Variants in STARD13 observed in about 807,000 individuals in gnomAD.
STARD13 encodes the protein stAR-related lipid transfer protein 13.
In STARD13, 62 loss-of-function variants were observed where a neutral mutation model predicts 106.4. The observed-to-expected ratio is 0.58, with a 90% CI of 0.48 to 0.72. The LOEUF is 0.72. Ranked by LOEUF, STARD13 falls within the 30% of genes least tolerant of loss-of-function variation. The pLI is 0.00. For missense variants in STARD13, 1,387 were observed against 1,424.0 expected (o/e 0.97, Z 0.42); for synonymous variants, 565 against 553.0 (o/e 1.02, Z -0.31).
the STARD13 span, among the ~76,000 whole-genome samples, chr13:33,500,431 G>A: frequency 6.6e-6 from 1 of 152,178 alleles, no homozygotes; most frequent in Non-Finnish European, 1.5e-5. Flanking sequence ...ATTTCCTACA[G>A]TTCTGTATCA....
the STARD13 span, among the ~76,000 whole-genome samples, chr13:33,476,133 G>A: frequency 1.3e-5 from 2 of 151,924 alleles, no homozygotes; most frequent in Admixed American, 6.6e-5. Flanking sequence ...AGCAACAATT[G>A]GCCTTGTCCT....
chr13:33,166,863 T>C (rs1419194830), intron 2 of STARD13, among the ~76,000 whole-genome samples: 1 of 151,808 alleles, frequency 6.6e-6, no homozygotes, highest in African/African-American at 2.4e-5. Flanking sequence ...GGTGTGGTGG[T>C]GCCCGCCTGT....
At chr13:33,138,064 T>C (rs1879290454) in intron 4 of STARD13, among the ~76,000 whole-genome samples, 1 of 152,242 alleles carries the variant, frequency 6.6e-6, no homozygotes, top group African/African-American at 2.4e-5. Flanking sequence ...TTGGTCATTA[T>C]TTCAGAGAGC....
chr13:33,244,730 C>G (rs960465640), intron 1 of STARD13, among the ~76,000 whole-genome samples: 1 of 152,128 alleles, frequency 6.6e-6, no homozygotes, highest in African/African-American at 2.4e-5. Context: ...AAACCAACCA[C>G]GAGGCATCTG....
chr13:33,600,222 T>C, the STARD13 span, among the ~76,000 whole-genome samples: 2 of 152,122 alleles, frequency 1.3e-5, no homozygotes, highest in Non-Finnish European at 2.9e-5. Flanking sequence ...AGAAACAGAA[T>C]AGGGAGAATA....
chr13:33,499,625 CTTCTTCTTCTTCTTCTT>C, the STARD13 span, among the ~76,000 whole-genome samples: 2 of 121,708 alleles, frequency 1.6e-5, no homozygotes, highest in Non-Finnish European at 3.1e-5. Context: ...TCTTCTTCTT[CTTCTTCTTCTTCTTCTT>C]CTTCTCCTTC....
chr13:33,151,228 T>C (rs1881234726), intron 3 of STARD13, among the ~76,000 whole-genome samples: 1 of 152,190 alleles, frequency 6.6e-6, no homozygotes, highest in Non-Finnish European at 1.5e-5. Flanking sequence ...TATTAAGGAA[T>C]ACCTGAGACT....
At chr13:33,195,978 G>T (rs1886586987) in intron 1 of STARD13, among the ~76,000 whole-genome samples, 1 of 152,178 alleles carries the variant, frequency 6.6e-6, no homozygotes, top group African/African-American at 2.4e-5. Flanking sequence ...AAGAAGGGAG[G>T]TAATAGACAC....
At chr13:33,530,214 CATAA>C in the STARD13 span, among the ~76,000 whole-genome samples, 2 of 151,608 alleles carry the variant, frequency 1.3e-5, no homozygotes, top group African/African-American at 4.8e-5. Flanking sequence ...TTCATGGCTT[CATAA>C]ATAAAGGTGA....
chr13:33,169,088 A>G (rs1883655644), intron 1 of STARD13, among the ~76,000 whole-genome samples: 1 of 152,206 alleles, frequency 6.6e-6, no homozygotes, highest in African/African-American at 2.4e-5. Context: ...TGTGACCAGC[A>G]TGTTCCTACC....
chr13:33,254,063 G>A (rs1363066142), intron 1 of STARD13, among the ~76,000 whole-genome samples: 1 of 152,164 alleles, frequency 6.6e-6, no homozygotes, highest in Admixed American at 6.6e-5. Flanking sequence ...CGCTTTGCCT[G>A]GAGTGATCCT....
chr13:33,494,863 G>A, the STARD13 span, among the ~76,000 whole-genome samples: 1 of 151,950 alleles, frequency 6.6e-6, no homozygotes, highest in Non-Finnish European at 1.5e-5. Flanking sequence ...ACCAAAAAAA[G>A]AAATAACTAG....
chr13:33,667,968 T>C, the STARD13 span, among the ~76,000 whole-genome samples: 2 of 152,246 alleles, frequency 1.3e-5, no homozygotes, highest in Non-Finnish European at 2.9e-5. Context: ...GCCAACTGTT[T>C]GAACCCTGTT....
intron 1 of STARD13, among the ~76,000 whole-genome samples, chr13:33,199,928 C>T (rs988092405): frequency 4.6e-5 from 7 of 152,208 alleles, no homozygotes; most frequent in African/African-American, 1.2e-4. Context: ...GGAAGAACAG[C>T]GGTTCTCAGG....
intron 1 of STARD13, among the ~76,000 whole-genome samples, chr13:33,261,599 G>T (rs1438317424): frequency 6.6e-6 from 1 of 151,970 alleles, no homozygotes; most frequent in Admixed American, 6.6e-5. Flanking sequence ...ACTTTCAGAG[G>T]TCAGCATTTA....
At chr13:33,262,140 C>T (rs1473628043) in intron 1 of STARD13, among the ~76,000 whole-genome samples, 1 of 152,246 alleles carries the variant, frequency 6.6e-6, no homozygotes, top group Non-Finnish European at 1.5e-5. Flanking sequence ...GATATTTTAA[C>T]TGTCATCTAT....
chr13:33,664,720 A>G, the STARD13 span, among the ~76,000 whole-genome samples: 7 of 152,156 alleles, frequency 4.6e-5, no homozygotes, highest in African/African-American at 9.7e-5. Flanking sequence ...TCCGCCTCCC[A>G]GGTTCCTGCC....
chr13:33,604,848 T>G, the STARD13 span, among the ~76,000 whole-genome samples: 1 of 151,722 alleles, frequency 6.6e-6, no homozygotes, highest in African/African-American at 2.4e-5. Context: ...AAGCTAGATC[T>G]CTGTATTTAA....
chr13:33,587,830 C>T, the STARD13 span, among the ~76,000 whole-genome samples: 28 of 152,246 alleles, frequency 1.8e-4, no homozygotes, highest in East Asian at 2.5e-3. Context: ...GTAAATGACA[C>T]ACCAGATTTT....
Sources: allele counts gnomAD v4.1 joint callset (sites outside exome capture counted in the v4.1 genomes callset), GRCh38; gene constraint gnomAD v4.1.1; transcripts MANE v1.5; gene names NCBI Gene and HGNC (gene_info 2026-07-23, HGNC 2026-07-21).